RBFOX1: variants seen among roughly 807,000 people sequenced by gnomAD.
RBFOX1 encodes the protein RNA binding protein fox-1 homolog 1.
In RBFOX1, 8 loss-of-function variants were observed where a neutral mutation model predicts 57.7. The ratio of observed to expected loss-of-function variants is 0.14; its 90% CI spans 0.08 to 0.25. RBFOX1 has a LOEUF of 0.25. Ranked by LOEUF, RBFOX1 falls within the 10% of genes least tolerant of loss-of-function variation. The probability of loss-of-function intolerance (pLI) is 1.00; values close to 1 mark genes in which losing one functional copy is unlikely to be tolerated. For missense variants in RBFOX1, 611 were observed against 548.5 expected (o/e 1.11, Z -1.14); for synonymous variants, 326 against 222.4 (o/e 1.47, Z -4.15).
chr16:5,341,796 T>C (rs1371615172), intron 1 of RBFOX1, among the ~76,000 whole-genome samples: 1 of 152,180 alleles, frequency 6.6e-6, no homozygotes, highest in Non-Finnish European at 1.5e-5. Context: ...AGAAACACTT[T>C]ATGGAAGGGG....
intron 2 of RBFOX1, among the ~76,000 whole-genome samples, chr16:6,519,357 A>T (rs1327364167): frequency 6.6e-6 from 1 of 152,144 alleles, no homozygotes; most frequent in Non-Finnish European, 1.5e-5. Context: ...AATACTGTAC[A>T]TGGGGATATA....
At chr16:5,593,919 C>T (rs938361392) in intron 2 of RBFOX1, among the ~76,000 whole-genome samples, 1 of 152,126 alleles carries the variant, frequency 6.6e-6, no homozygotes, top group Non-Finnish European at 1.5e-5. Context: ...CCCCATTTGT[C>T]TTACACAACC....
intron 3 of RBFOX1, among the ~76,000 whole-genome samples, chr16:6,855,493 T>C (rs576905285): frequency 6.6e-6 from 1 of 151,712 alleles, no homozygotes; most frequent in South Asian, 2.1e-4. Flanking sequence ...CTACTAAAAA[T>C]ACAGAAAAAA....
chr16:6,397,527 A>G (rs2092891813), intron 2 of RBFOX1, among the ~76,000 whole-genome samples: 1 of 152,210 alleles, frequency 6.6e-6, no homozygotes, highest in Non-Finnish European at 1.5e-5. Context: ...GTCCTGTACT[A>G]TAAGAACTGT....
intron 3 of RBFOX1, among the ~76,000 whole-genome samples, chr16:6,885,501 C>T (rs764857929): frequency 2.6e-4 from 40 of 151,916 alleles, no homozygotes; most frequent in Non-Finnish European, 4.9e-4. Context: ...CAGGATGGTG[C>T]ATTAAATCTA....
chr16:7,487,915 C>G (rs1034509753), intron 4 of RBFOX1, among the ~76,000 whole-genome samples: 3 of 152,072 alleles, frequency 2.0e-5, no homozygotes, highest in Non-Finnish European at 4.4e-5. Context: ...TACCAGCGTC[C>G]GATAATTTCT....
intron 5 of RBFOX1, among the ~76,000 whole-genome samples, chr16:7,529,465 A>G (rs970008955): frequency 6.6e-6 from 1 of 152,164 alleles, no homozygotes; most frequent in African/African-American, 2.4e-5. Flanking sequence ...TTAGCAAACA[A>G]ATTTCCTGTC....
At chr16:6,737,954 C>T (rs1298043180) in intron 3 of RBFOX1, among the ~76,000 whole-genome samples, 3 of 151,770 alleles carry the variant, frequency 2.0e-5, no homozygotes, top group Non-Finnish European at 4.4e-5. Flanking sequence ...ATTCCCAGCA[C>T]AATGCTTGAG....
At chr16:6,768,942 T>A (rs1201065580) in intron 3 of RBFOX1, among the ~76,000 whole-genome samples, 4 of 152,120 alleles carry the variant, frequency 2.6e-5, no homozygotes, top group African/African-American at 9.7e-5. Context: ...TTGGCCAGGC[T>A]GGTCTCAAAC....
intron 3 of RBFOX1, among the ~76,000 whole-genome samples, chr16:5,657,675 C>T (rs201181130): frequency 2.4e-5 from 2 of 85,072 alleles, no homozygotes; most frequent in Admixed American, 1.2e-4. Flanking sequence ...TCTTTCTTTT[C>T]TTTTCTTTCT....
At chr16:7,680,536 C>A (rs1428840563) in intron 14 of RBFOX1, among the ~76,000 whole-genome samples, 1 of 152,110 alleles carries the variant, frequency 6.6e-6, no homozygotes, top group African/African-American at 2.4e-5. Context: ...TCATCACAGT[C>A]CAATTACACT....
At chr16:7,538,846 C>T (rs539018339) in intron 5 of RBFOX1, among the ~76,000 whole-genome samples, 10 of 148,006 alleles carry the variant, frequency 6.8e-5, no homozygotes, top group South Asian at 2.2e-4. Flanking sequence ...TCTCCTCCCC[C>T]GCACCCCCAC....
rs375514053 is a variant in RBFOX1, at chr16:6,874,245, C to A, written c.-15-177812C>A. On this transcript the variant is annotated intron_variant, in intron 3 of 15. Transcript: ENST00000550418. ...ATGAAATAGGTCAGGCAAAGTGGTT[C>A]ACACTTGTAATCCCAGCACTTCGGG... 7.4e-4 allele frequency among the ~76,000 whole-genome samples: 113 copies of A among 152,228 alleles called. 6 individuals are homozygous for A. The South Asian group carries it at 0.023, about 30-fold the overall frequency.
intron 4 of RBFOX1, among the ~76,000 whole-genome samples, chr16:7,243,583 T>C (rs143525921): frequency 1.4e-4 from 21 of 152,264 alleles, no homozygotes; most frequent in African/African-American, 5.1e-4. Flanking sequence ...GCTGTCACTC[T>C]GTCACCCAGG....
intron 1 of RBFOX1, among the ~76,000 whole-genome samples, chr16:6,257,629 G>A (rs1284579012): frequency 1.3e-5 from 2 of 152,062 alleles, no homozygotes; most frequent in African/African-American, 4.8e-5. Context: ...ATGTGTCCAT[G>A]TGTTCTCATA....
At position 5,703,687 on chromosome 16, in the gene RBFOX1, C is replaced by T. The variant is rs11862071; in HGVS notation, c.318+104726C>T. On this transcript the variant is annotated intron_variant, in intron 3 of 19. Coordinates refer to the RBFOX1 transcript ENST00000641259. ...ACTCTCTGAGCCCAGTTTTCTCATC[C>T]GTTAAATGGGGATAATGTCTTTATT... 9.4e-3 allele frequency among the ~76,000 whole-genome samples: 1,432 copies of T among 152,114 alleles called. 29 individuals are homozygous for T. The highest frequency in any genetic ancestry group is 0.031 in the African/African-American group (1,294 of 41,484).
chr16:5,795,673 A>C (rs1204432743), intron 3 of RBFOX1, among the ~76,000 whole-genome samples: 1 of 152,090 alleles, frequency 6.6e-6, no homozygotes, highest in Non-Finnish European at 1.5e-5. Flanking sequence ...TCCTAACTCA[A>C]ATATCATTTC....
At chr16:5,576,120 A>T (rs1032025979) in intron 2 of RBFOX1, among the ~76,000 whole-genome samples, 1 of 152,098 alleles carries the variant, frequency 6.6e-6, no homozygotes, top group Non-Finnish European at 1.5e-5. Context: ...AGAAGCTGGG[A>T]TTGCAGGTGC....
intron 2 of RBFOX1, among the ~76,000 whole-genome samples, chr16:6,625,646 C>A (rs578026058): frequency 6.6e-6 from 1 of 152,066 alleles, no homozygotes. Flanking sequence ...AGTTCCCCAC[C>A]GCCCCCGCCC....
Sources: allele counts gnomAD v4.1 joint callset (sites outside exome capture counted in the v4.1 genomes callset), GRCh38; gene constraint gnomAD v4.1.1; transcripts MANE v1.5; gene names NCBI Gene and HGNC (gene_info 2026-07-23, HGNC 2026-07-21).